The following ATP6V0A1 variants were observed in gnomAD, a reference collection of about 807,000 sequenced individuals.
ATP6V0A1 encodes ATPase H+ transporting V0 subunit a1.
Under a neutral mutation model 105.4 loss-of-function variants are expected in ATP6V0A1, and 43 were observed. The observed-to-expected ratio is 0.41, with a 90% CI of 0.32 to 0.53. ATP6V0A1 has a LOEUF of 0.53. Among genes scored for constraint, ATP6V0A1 ranks in the 20% least tolerant of loss-of-function variants. The pLI is 0.30. For missense variants in ATP6V0A1, 676 were observed against 1,051.1 expected, an observed-to-expected ratio of 0.64 and a Z score of 4.93; for synonymous variants, 362 against 372.8, an observed-to-expected ratio of 0.97 and a Z score of 0.33.
In ATP6V0A1 at chr17:42,468,046, C is replaced by G; in HGVS notation, c.233C>G (p.Pro78Arg). 6.2e-7 allele frequency: 1 copy of G among 1,604,100 alleles called. No homozygotes were observed. The highest frequency in any genetic ancestry group is 1.3e-5 in the African/African-American group (1 of 74,616). Residue 78 changes from proline to arginine, a missense_variant, in exon 4 of 22, where the codon CCG becomes CGG. Physicochemically the swap from Pro to Arg is moderately radical, Grantham distance 103. Around this residue, in one of 3 missense-constraint regions of ATP6V0A1, gnomAD observed 239 missense variants for 388.4 expected, o/e 0.62. Coordinates refer to ENST00000343619, the MANE Select transcript of ATP6V0A1 (RefSeq NM_001130021.3). ...VEKEIRKANI[P>R]IMDTGENPEV... ...AAAGAGATAAGAAAAGCTAACATTC[C>G]GATTATGGACACCGGTGAAAACCCA... is the stretch of plus-strand genomic sequence containing the variant.
rs778125057 is a variant in ATP6V0A1, at chr17:42,507,665, T to G, written c.2112+38T>G. 48 of 1,557,206 alleles carry G rather than the reference T, an allele frequency of 3.1e-5. No homozygotes were observed. The Admixed American group carries it at 8.0e-4, about 26-fold the overall frequency. On this transcript the variant is annotated intron_variant, in intron 18 of 21. Coordinates refer to ENST00000343619, the MANE Select transcript of ATP6V0A1 (RefSeq NM_001130021.3). ...GGTGTGGGCTTTCTCTCCTTCCACCTCGGGTCAGCCCTAGTCTTGTGTACC... is the reference window on the plus strand; with the variant it reads ...GGTGTGGGCTTTCTCTCCTTCCACCGCGGGTCAGCCCTAGTCTTGTGTACC...
intron 5 of ATP6V0A1, among the ~76,000 whole-genome samples, chr17:42,475,557 A>G (rs2088620110): frequency 6.6e-6 from 1 of 152,000 alleles, no homozygotes; most frequent in Non-Finnish European, 1.5e-5. Flanking sequence ...TTATCATTAT[A>G]GTGTATTTTA....
chr17:42,507,458 C>A, intron 17 of ATP6V0A1, 62 bp from the exon 18 acceptor site: 1 of 1,220,676 alleles, frequency 8.2e-7, no homozygotes, highest in Non-Finnish European at 1.2e-6. Flanking sequence ...TCGCCCTTCC[C>A]ACCTCACAGA....
chr17:42,495,200 A>T lies in ATP6V0A1; in HGVS notation c.1469+12A>T. The T allele has an allele frequency of 6.2e-7, 1 of 1,612,706 alleles. No individual in the cohort carries two copies. The highest frequency in any genetic ancestry group is 8.5e-7 in the Non-Finnish European group (1 of 1,178,912). ...ACTTATAATTGGACGTAAGTTGCAGAAGAAGCTAAAATTCAAAGCTTATTC... is the reference window on the plus strand; with the variant it reads ...ACTTATAATTGGACGTAAGTTGCAGTAGAAGCTAAAATTCAAAGCTTATTC... On this transcript the variant is annotated intron_variant, in intron 13 of 21. Coordinates refer to ENST00000343619, the MANE Select transcript of ATP6V0A1 (RefSeq NM_001130021.3).
chr17:42,471,116 C>G (rs1044569203), intron 5 of ATP6V0A1: 12 of 141,896 alleles, frequency 8.5e-5, no homozygotes, highest in African/African-American at 2.9e-4. Context: ...GAGTGAGACT[C>G]TATCTCAAAA....
Position 42,500,621 on chromosome 17 carries a change from T to C in ATP6V0A1, c.1680-86T>C, listed in dbSNP as rs1354638449. Reference sequence around the variant, plus strand: ...AAGACAGAATTGAGGGGGTATTAAGTAGAAAAATCTAGTGAATACTCCATT... The same window carrying C: ...AAGACAGAATTGAGGGGGTATTAAGCAGAAAAATCTAGTGAATACTCCATT... On this transcript the variant is annotated intron_variant, in intron 15 of 21. Coordinates refer to ENST00000343619, the MANE Select transcript of ATP6V0A1 (RefSeq NM_001130021.3). The C allele has an allele frequency of 4.6e-6, 5 of 1,097,242 alleles. No homozygotes were observed. In the Admixed American group the frequency reaches 9.8e-5, roughly 21 times the overall value. 68.0% of individuals were successfully genotyped at this position (1,097,242 alleles called of 1,614,324 possible). A position where few individuals can be genotyped will look rare whatever the true frequency, so the allele number is the denominator to read the frequency against.
In ATP6V0A1 at chr17:42,508,965, G is replaced by A. The variant is rs1057175213; in HGVS notation, c.2130+376G>A. 2.6e-5 allele frequency among the ~76,000 whole-genome samples: 4 copies of A among 152,068 alleles called. No homozygotes were observed. In the East Asian group the frequency reaches 5.8e-4, roughly 22 times the overall value. Reference sequence around the variant, plus strand: ...TGTGGTTGATCTACTCCCAGCCACCGGGAGTAGCCGTTTCCTCCCTGCTCC... The same window carrying A: ...TGTGGTTGATCTACTCCCAGCCACCAGGAGTAGCCGTTTCCTCCCTGCTCC... On this transcript the variant is annotated intron_variant, in intron 19 of 21. Coordinates refer to ENST00000343619, the MANE Select transcript of ATP6V0A1 (RefSeq NM_001130021.3).
intron 1 of ATP6V0A1, among the ~76,000 whole-genome samples, chr17:42,459,334 G>T (rs1201542671): frequency 2.6e-5 from 4 of 152,242 alleles, no homozygotes; most frequent in Admixed American, 2.6e-4. Flanking sequence ...TGGGTAGACA[G>T]GAAATGAAGC....
At chr17:42,487,467 C>G in intron 10 of ATP6V0A1, 100 bp downstream of exon 10, 1 of 1,196,596 alleles carries the variant, frequency 8.4e-7, no homozygotes, top group Non-Finnish European at 1.2e-6. Flanking sequence ...GTGGCTCATG[C>G]CTGTAATCCC....
chr17:42,487,255 A>T lies in ATP6V0A1; in HGVS notation c.911A>T (p.Tyr304Phe), dbSNP rs759592546. ...AAAGTGCGGAAGATGAAGGCCATCT[A>T]TCACACCCTGAACCTGTGCAACATA... ...FIKVRKMKAI[Y>F]HTLNLCNIDV... is the part of the protein sequence containing the mutation. Residue 304 changes from tyrosine to phenylalanine, a missense_variant, in exon 10 of 22, where the codon TAT (tyrosine) becomes TTT (phenylalanine). By Grantham distance (22) the Tyr-to-Phe change is conservative. This residue lies in a region of ATP6V0A1 where 239 missense variants were observed against 388.4 expected (regional missense o/e 0.62). Transcript: ENST00000343619. 1 of 1,614,170 alleles carries T rather than the reference A, an allele frequency of 6.2e-7. No individual in the cohort carries two copies. The highest frequency in any genetic ancestry group is 1.3e-5 in the African/African-American group (1 of 75,044).
At chr17:42,508,636 CT>C in intron 19 of ATP6V0A1, 47 bp downstream of exon 19, 3 of 1,612,432 alleles carry the variant, frequency 1.9e-6, no homozygotes, top group Non-Finnish European at 2.5e-6. Flanking sequence ...GGGCTTCTCT[CT>C]TCCCATCCTT....
In ATP6V0A1 at chr17:42,501,185, C is replaced by G; in HGVS notation, c.1897-12C>G. The G allele has an allele frequency of 6.2e-7, 1 of 1,601,148 alleles. No individual in the cohort carries two copies. Among genetic ancestry groups the G allele is most frequent in the Non-Finnish European group, 8.5e-7 (1 of 1,169,932 alleles). The stretch of plus-strand genomic sequence containing the variant: ...TTATATGATGTACCTTGTCCTTCTT[C>G]TTACTCTGCAGAAAGGAATTCAGTG... On this transcript the variant is annotated splice_polypyrimidine_tract_variant and intron_variant, in intron 16 of 21. Coordinates refer to ENST00000343619, the MANE Select transcript of ATP6V0A1 (RefSeq NM_001130021.3).
In ATP6V0A1 at chr17:42,514,449, G is replaced by A; in HGVS notation, c.2409G>A (p.Leu803=). 2 of 1,600,538 alleles carry A rather than the reference G, an allele frequency of 1.2e-6. No individual in the cohort carries two copies. The highest frequency in any genetic ancestry group is 8.5e-7 in the Non-Finnish European group (1 of 1,173,056). The change falls in exon 21 of 22, where the codon CTG becomes CTA. Residue 803 remains leucine (L), a synonymous_variant. Coordinates refer to ENST00000343619, the MANE Select transcript of ATP6V0A1 (RefSeq NM_001130021.3). ...MEGLSAFLHA[L]RLHWVEFQNK... ...GCCTCTCGGCCTTTCTCCACGCACTGCGCTTACACTGGTGAGGGGCAGTGG... is the reference window on the plus strand; with the variant it reads ...GCCTCTCGGCCTTTCTCCACGCACTACGCTTACACTGGTGAGGGGCAGTGG...
In ATP6V0A1 at chr17:42,490,545, C is replaced by T. The variant is rs751982251; in HGVS notation, c.1082C>T (p.Pro361Leu). 1.2e-6 allele frequency: 2 copies of T among 1,613,802 alleles called. No individual in the cohort carries two copies. The highest frequency in any genetic ancestry group is 1.7e-6 in the Non-Finnish European group (2 of 1,179,896). ...ILNRMQTNQTPPTYNKTNKFT... is the reference protein window; with the variant it reads ...ILNRMQTNQTLPTYNKTNKFT... ...AACAGGATGCAGACAAACCAGACTC[C>T]CCCAACCTATAACAAAACCAACAAG... Residue 361 changes from proline to leucine, a missense_variant, in exon 11 of 22, where the codon CCC becomes CTC. This residue lies in a region of ATP6V0A1 where 435 missense variants were observed against 642.2 expected (regional missense o/e 0.68). Coordinates refer to ENST00000343619, the MANE Select transcript of ATP6V0A1 (RefSeq NM_001130021.3).
At chr17:42,477,849 T>C in intron 6 of ATP6V0A1, 107 bp downstream of exon 6, 1 of 897,256 alleles carries the variant, frequency 1.1e-6, no homozygotes, top group Non-Finnish European at 1.7e-6. Context: ...TATGCCCTCT[T>C]CTGAGCCTAT....
At chr17:42,511,834 G>T (rs545461938) in intron 19 of ATP6V0A1, among the ~76,000 whole-genome samples, 9 of 152,016 alleles carry the variant, frequency 5.9e-5, no homozygotes, top group African/African-American at 9.7e-5. Flanking sequence ...GTGGTGGTGC[G>T]TGCCTGTAAT....
At chr17:42,482,347 A>G (rs190396725) in intron 8 of ATP6V0A1, among the ~76,000 whole-genome samples, 53 of 151,612 alleles carry the variant, frequency 3.5e-4, no homozygotes, top group Non-Finnish European at 6.3e-4. Flanking sequence ...AGGTTTCACC[A>G]TGTTGCTCAG....
chr17:42,500,738 G>A lies in ATP6V0A1; in HGVS notation c.1711G>A (p.Gly571Arg), dbSNP rs1249234743. 1 of 1,613,620 alleles carries A rather than the reference G, an allele frequency of 6.2e-7. No homozygotes were observed. Among genetic ancestry groups the A allele is most frequent in the Non-Finnish European group, 8.5e-7 (1 of 1,179,672 alleles). ...YFKKPLNIYF[G>R]FIPEIIFMTS... ...CAAGAAGCCCCTGAATATCTACTTTGGATTTATTCCTGAAATAATCTTCAT... is the reference window on the plus strand; with the variant it reads ...CAAGAAGCCCCTGAATATCTACTTTAGATTTATTCCTGAAATAATCTTCAT... The change falls in exon 16 of 22, where the codon GGA becomes AGA. Residue 571 changes from glycine (G) to arginine (R), a missense_variant. By Grantham distance (125) the Gly-to-Arg change is moderately radical. Coordinates refer to ENST00000343619, the MANE Select transcript of ATP6V0A1 (RefSeq NM_001130021.3).
chr17:42,465,350 G>A (rs1355424411), intron 2 of ATP6V0A1, among the ~76,000 whole-genome samples: 2 of 151,892 alleles, frequency 1.3e-5, no homozygotes, highest in Non-Finnish European at 2.9e-5. Context: ...GAGTGCAGTG[G>A]CATGATTTTG....
Sources: allele counts gnomAD v4.1 joint callset (sites outside exome capture counted in the v4.1 genomes callset), GRCh38; gene constraint gnomAD v4.1.1; regional missense constraint gnomAD v4.1.1; transcripts MANE v1.5; gene names NCBI Gene and HGNC (gene_info 2026-07-23, HGNC 2026-07-21).